SERGEF: variants seen among roughly 807,000 people sequenced by gnomAD.
SERGEF encodes the protein secretion-regulating guanine nucleotide exchange factor.
Under a neutral mutation model 50.0 loss-of-function variants are expected in SERGEF, and 51 were observed. The observed-to-expected ratio is 1.02, with a 90% CI of 0.81 to 1.29. The LOEUF (loss-of-function observed/expected upper bound fraction) is 1.29. Among genes scored for constraint, SERGEF ranks in the 50% most tolerant of loss-of-function variants. The pLI is 0.00. For synonymous variants in SERGEF, 205 were observed against 212.4 expected, an observed-to-expected ratio of 0.97 and a Z score of 0.30; for missense variants, 521 against 557.0, an observed-to-expected ratio of 0.94 and a Z score of 0.65.
intron 10 of SERGEF, among the ~76,000 whole-genome samples, chr11:17,800,853 ACCACGTGTGTCTGGGG>A (rs1849655188): frequency 6.6e-6 from 1 of 152,094 alleles, no homozygotes; most frequent in African/African-American, 2.4e-5. Flanking sequence ...AAGGAGGGTG[ACCACGTGTGTCTGGGG>A]CCAAGTGAGC....
chr11:17,986,908 C>G (rs1853612338), intron 8 of SERGEF, among the ~76,000 whole-genome samples: 1 of 152,204 alleles, frequency 6.6e-6, no homozygotes, highest in Non-Finnish European at 1.5e-5. Flanking sequence ...CCCTAGTGGA[C>G]AGTGGACTCC....
chr11:17,960,812 T>C (rs941580501), intron 8 of SERGEF, among the ~76,000 whole-genome samples: 1 of 152,218 alleles, frequency 6.6e-6, no homozygotes, highest in Non-Finnish European at 1.5e-5. Context: ...TTTACAGGAA[T>C]CTGACTTTTG....
chr11:17,993,383 ATG>A (rs564985121), intron 6 of SERGEF, among the ~76,000 whole-genome samples: 1 of 152,172 alleles, frequency 6.6e-6, no homozygotes, highest in Admixed American at 6.5e-5. Context: ...ATGTGTGTGC[ATG>A]TGTGTGTGTC....
chr11:17,971,333 A>T (rs1424498181), intron 8 of SERGEF, among the ~76,000 whole-genome samples: 1 of 152,368 alleles, frequency 6.6e-6, no homozygotes, highest in East Asian at 1.9e-4. Flanking sequence ...ACACTACACA[A>T]CAGCTTTTCA....
intron 10 of SERGEF, among the ~76,000 whole-genome samples, chr11:17,829,212 G>C (rs1036630033): frequency 6.6e-6 from 1 of 152,138 alleles, no homozygotes; most frequent in Non-Finnish European, 1.5e-5. Flanking sequence ...AATCTCTCCA[G>C]ACTTCAATGT....
intron 10 of SERGEF, among the ~76,000 whole-genome samples, chr11:17,859,830 G>T (rs1850894318): frequency 1.3e-5 from 2 of 152,194 alleles, no homozygotes; most frequent in South Asian, 4.1e-4. Context: ...TCTACAAACA[G>T]TGAAAGTGTC....
At position 17,871,386 on chromosome 11, in the gene SERGEF, A is replaced by G. The variant is rs549029960; in HGVS notation, c.1048+6822T>C. 2.7e-5 allele frequency among the ~76,000 whole-genome samples: 4 copies of G among 149,002 alleles called. No homozygotes were observed. The South Asian group carries it at 8.7e-4, about 32-fold the overall frequency. ...TGAGGCAGGAGAATAGCGTGAACCCAGGAGGCGGAGCTTGCAGTGAACTGA... is the reference window on the plus strand; with the variant it reads ...TGAGGCAGGAGAATAGCGTGAACCCGGGAGGCGGAGCTTGCAGTGAACTGA... On this transcript the variant is annotated intron_variant, in intron 10 of 10. Coordinates refer to ENST00000265965, the MANE Select transcript of SERGEF (RefSeq NM_012139.4).
chr11:17,981,522 C>T lies in SERGEF; in HGVS notation c.844+7075G>A, dbSNP rs918107751. 2.6e-5 allele frequency among the ~76,000 whole-genome samples: 4 copies of T among 152,010 alleles called. No homozygotes were observed. The East Asian group carries it at 5.8e-4, about 22-fold the overall frequency. On this transcript the variant is annotated intron_variant, in intron 8 of 10. Transcript: ENST00000265965. ...GTGTGAAACAGGGCAATGCCATTAA[C>T]GAATTAGGGACTCTTGTGTGAAGTA...
At position 17,788,339 on chromosome 11, in the gene SERGEF, G is replaced by C; in HGVS notation, c.1123C>G (p.Pro375Ala). 1 of 1,614,166 alleles carries C rather than the reference G, an allele frequency of 6.2e-7. No individual in the cohort carries two copies. The highest frequency in any genetic ancestry group is 8.5e-7 in the Non-Finnish European group (1 of 1,180,008). The part of the protein sequence containing the change: ...GDGTEANVWA[P>A]KPVQALLSSS... ...GACAGCAGAGCCTGCACCGGCTTTG[G>C]GGCCCAGACGTTGGCTTCAGTGCCA... is the stretch of plus-strand genomic sequence containing the variant. Residue 375 changes from proline (P) to alanine (A), a missense_variant, in exon 11 of 11, where the codon CCA (proline) becomes GCA (alanine). Coordinates refer to ENST00000265965, the MANE Select transcript of SERGEF (RefSeq NM_012139.4).
At chr11:17,805,740 G>A (rs1414425578) in intron 10 of SERGEF, among the ~76,000 whole-genome samples, 3 of 152,160 alleles carry the variant, frequency 2.0e-5, no homozygotes, top group African/African-American at 4.8e-5. Flanking sequence ...AGATGGGTGC[G>A]ATCCCCTCTT....
chr11:17,943,837 G>A (rs1318643058), intron 9 of SERGEF, among the ~76,000 whole-genome samples: 1 of 152,134 alleles, frequency 6.6e-6, no homozygotes, highest in Admixed American at 6.5e-5. Flanking sequence ...ACCACACAAA[G>A]AACTCCTGTT....
At chr11:17,926,508 T>C (rs1852253109) in intron 9 of SERGEF, among the ~76,000 whole-genome samples, 1 of 152,210 alleles carries the variant, frequency 6.6e-6, no homozygotes, top group African/African-American at 2.4e-5. Context: ...CCCTGTCTTC[T>C]ATCAGGAAAG....
At chr11:17,825,958 A>G (rs1333978789) in intron 10 of SERGEF, among the ~76,000 whole-genome samples, 3 of 152,230 alleles carry the variant, frequency 2.0e-5, no homozygotes, top group Non-Finnish European at 2.9e-5. Context: ...CTGCTACTCT[A>G]TAACTTACTA....
intron 9 of SERGEF, among the ~76,000 whole-genome samples, chr11:17,882,280 G>A (rs540686926): frequency 2.6e-4 from 39 of 152,202 alleles, no homozygotes; most frequent in African/African-American, 8.4e-4. Flanking sequence ...TTGGTGGGGC[G>A]TGGTGGCGGG....
At chr11:17,873,949 T>G (rs1285753788) in intron 10 of SERGEF, among the ~76,000 whole-genome samples, 1 of 152,190 alleles carries the variant, frequency 6.6e-6, no homozygotes, top group Non-Finnish European at 1.5e-5. Flanking sequence ...TGGAGCCAAT[T>G]CATCCAGACA....
intron 9 of SERGEF, among the ~76,000 whole-genome samples, chr11:17,889,620 T>C (rs1038886724): frequency 8.6e-5 from 13 of 152,028 alleles, no homozygotes; most frequent in Non-Finnish European, 1.5e-4. Context: ...TAGATCAAAG[T>C]GAAAAATTGT....
chr11:17,835,233 A>G (rs1347512324), intron 10 of SERGEF, among the ~76,000 whole-genome samples: 2 of 152,204 alleles, frequency 1.3e-5, no homozygotes, highest in Non-Finnish European at 2.9e-5. Context: ...ACTGTTCATT[A>G]AGGCCTAAGA....
intron 9 of SERGEF, among the ~76,000 whole-genome samples, chr11:17,911,356 T>TA (rs1851949280): frequency 6.8e-6 from 1 of 146,302 alleles, no homozygotes; most frequent in South Asian, 2.1e-4. Flanking sequence ...AATATATATA[T>TA]TTTATATATT....
chr11:17,938,063 A>T (rs1466496293), intron 9 of SERGEF, among the ~76,000 whole-genome samples: 1 of 152,210 alleles, frequency 6.6e-6, no homozygotes, highest in Non-Finnish European at 1.5e-5. Flanking sequence ...CCAGCTTCTA[A>T]CACCACAAGT....
Sources: allele counts gnomAD v4.1 joint callset (sites outside exome capture counted in the v4.1 genomes callset), GRCh38; gene constraint gnomAD v4.1.1; transcripts MANE v1.5; gene names NCBI Gene and HGNC (gene_info 2026-07-23, HGNC 2026-07-21).